ARSG: variants seen among roughly 807,000 people sequenced by gnomAD.
The protein encoded by ARSG is arylsulfatase G.
Under a neutral mutation model 50.5 loss-of-function variants are expected in ARSG, and 37 were observed. The observed-to-expected ratio is 0.73, with a 90% CI of 0.56 to 0.96. The LOEUF (loss-of-function observed/expected upper bound fraction) is 0.96, where lower values mean the gene tolerates loss of function less well. Among genes scored for constraint, ARSG ranks in the 50% least tolerant of loss-of-function variants. The pLI is 0.00. For missense variants in ARSG, 629 were observed against 675.3 expected, an observed-to-expected ratio of 0.93 and a Z score of 0.76; for synonymous variants, 225 against 254.6, an observed-to-expected ratio of 0.88 and a Z score of 1.11.
At chr17:68,448,651 C>T in the ARSG span, among the ~76,000 whole-genome samples, 3 of 152,172 alleles carry the variant, frequency 2.0e-5, no homozygotes, top group Non-Finnish European at 4.4e-5. Flanking sequence ...ATACAATAGA[C>T]GCTATTTGAG....
At chr17:68,335,757 G>A (rs1317162202) in intron 2 of ARSG, among the ~76,000 whole-genome samples, 1 of 152,192 alleles carries the variant, frequency 6.6e-6, no homozygotes, top group Non-Finnish European at 1.5e-5. Flanking sequence ...AGGTAGGATA[G>A]TGGGGAGAGA....
intron 6 of ARSG, 106 bp from the exon 7 acceptor site, chr17:68,368,442 C>T: frequency 2.0e-6 from 2 of 1,014,916 alleles, no homozygotes; most frequent in Admixed American, 2.1e-5. Context: ...GCCCGTGGGG[C>T]AGAAGGAGCT....
At chr17:68,302,356 A>G (rs1161196090) in intron 1 of ARSG, among the ~76,000 whole-genome samples, 1 of 152,086 alleles carries the variant, frequency 6.6e-6, no homozygotes, top group Non-Finnish European at 1.5e-5. Context: ...TGGAAAACCA[A>G]CAGAACCCTC....
chr17:68,313,699 A>ATTT (rs1555767540), intron 2 of ARSG, among the ~76,000 whole-genome samples: 1 of 21,500 alleles, frequency 4.7e-5, no homozygotes. Context: ...TTTTTTTTTG[A>ATTT]GACACAGTTT....
chr17:68,282,245 G>T (rs1555753025), intron 1 of ARSG, among the ~76,000 whole-genome samples: 1 of 151,642 alleles, frequency 6.6e-6, no homozygotes, highest in Non-Finnish European at 1.5e-5. Flanking sequence ...GCAAACTATC[G>T]CAAGGACAAA....
intron 7 of ARSG, among the ~76,000 whole-genome samples, chr17:68,369,291 G>A (rs1383948869): frequency 6.6e-6 from 1 of 152,152 alleles, no homozygotes; most frequent in Admixed American, 6.6e-5. Flanking sequence ...TCTAATAACA[G>A]CACTTTGGGA....
intron 10 of ARSG, among the ~76,000 whole-genome samples, chr17:68,395,730 T>C (rs999691145): frequency 2.9e-4 from 44 of 152,362 alleles, no homozygotes; most frequent in Middle Eastern, 3.4e-3. Context: ...TTTTGTTAGA[T>C]GAGATGACTG....
At position 68,271,344 on chromosome 17, in the gene ARSG, G is replaced by C. The variant is rs112262188; in HGVS notation, c.-552+11918G>C. Reference sequence around the variant, plus strand: ...CTTTCTTTTCGCTTGGCCTGGGGCTGGTCTTCACCAGGACCTGCTGCATGT... The same window carrying C: ...CTTTCTTTTCGCTTGGCCTGGGGCTCGTCTTCACCAGGACCTGCTGCATGT... On this transcript the variant is annotated intron_variant, in intron 1 of 11. Transcript: ENST00000448504. This position sits in a 1 kb window ranked among gnomAD's most constrained non-coding sequence, Gnocchi z 5.3. The C allele has an allele frequency of 1.1e-3, 1,724 of 1,614,250 alleles. 7 individuals are homozygous for C. The highest frequency in any genetic ancestry group is 7.8e-3 in the Middle Eastern group (47 of 6,062).
Position 68,420,224 on chromosome 17 carries a change from G to C in ARSG, c.1339G>C (p.Glu447Gln). ...GGCGTGTGATGGGAGCACGGGGCCT[G>C]AGCTGCAGCATAAGTTTCCTCTGAT... ...ARACDGSTGPELQHKFPLIFN... is the reference protein window; with the variant it reads ...ARACDGSTGPQLQHKFPLIFN... The change falls in exon 12 of 12, where the codon GAG becomes CAG. Residue 447 changes from glutamate to glutamine, a missense_variant. Physicochemically the swap from Glu to Gln is conservative, Grantham distance 29 (BLOSUM62 2). Coordinates refer to ENST00000621439, the MANE Select transcript of ARSG (RefSeq NM_001267727.2). 6.2e-7 allele frequency: 1 copy of C among 1,614,136 alleles called. No individual in the cohort carries two copies. Among genetic ancestry groups the C allele is most frequent in the Non-Finnish European group, 8.5e-7 (1 of 1,180,046 alleles).
chr17:68,378,822 C>A lies in ARSG; in HGVS notation c.983-6242C>A, dbSNP rs1315607365. ...CATTCTGTTGAATTTGGCATCCAGG[C>A]TCCTAGGAGACCTTGGTTGTTTGTA... On this transcript the variant is annotated intron_variant, in intron 8 of 11. Transcript: ENST00000621439. The surrounding 1 kb of genome is among the most constrained non-coding windows in gnomAD (Gnocchi z 4.4). Among the ~76,000 whole-genome samples, 1 of 151,798 alleles carries A rather than the reference C, an allele frequency of 6.6e-6. No homozygotes were observed. Among genetic ancestry groups the A allele is most frequent in the Non-Finnish European group, 1.5e-5 (1 of 67,998 alleles).
At chr17:68,360,744 G>A (rs1465409470) in intron 6 of ARSG, among the ~76,000 whole-genome samples, 4 of 152,186 alleles carry the variant, frequency 2.6e-5, no homozygotes, top group Admixed American at 1.3e-4. Flanking sequence ...GCACCTACGC[G>A]GGCAATACAG....
intron 6 of ARSG, chr17:68,359,763 C>G (rs1262720387): frequency 6.6e-6 from 1 of 152,186 alleles, no homozygotes; most frequent in Non-Finnish European, 1.5e-5. Flanking sequence ...GGTAATAAAA[C>G]CTATTTAAGG....
downstream of ARSG, among the ~76,000 whole-genome samples, chr17:68,424,157 A>C (rs1056379879): frequency 4.6e-5 from 7 of 152,248 alleles, no homozygotes; most frequent in African/African-American, 1.7e-4. Context: ...CAGCATGCCA[A>C]CAGAGGTTTT....
chr17:68,386,419 T>A (rs2080725755), intron 9 of ARSG, among the ~76,000 whole-genome samples: 1 of 151,860 alleles, frequency 6.6e-6, no homozygotes, highest in Admixed American at 6.6e-5. Flanking sequence ...CTTCCCTAGA[T>A]CCAATGGGGA....
At chr17:68,276,720 C>T (rs1408417750) in intron 1 of ARSG, among the ~76,000 whole-genome samples, 1 of 152,202 alleles carries the variant, frequency 6.6e-6, no homozygotes, top group Non-Finnish European at 1.5e-5. Flanking sequence ...TCCCAGAGTG[C>T]TGGGATTACA....
intron 7 of ARSG, among the ~76,000 whole-genome samples, 169 bp downstream of exon 7, chr17:68,368,913 A>G (rs960824278): frequency 6.6e-6 from 1 of 152,178 alleles, no homozygotes; most frequent in Non-Finnish European, 1.5e-5. Flanking sequence ...GCACCTGTCC[A>G]TTGGGGCCTC....
At chr17:68,328,611 G>T (rs903609955) in intron 2 of ARSG, among the ~76,000 whole-genome samples, 3 of 152,216 alleles carry the variant, frequency 2.0e-5, no homozygotes, top group Non-Finnish European at 2.9e-5. Context: ...TAGCTCCCCA[G>T]CTAGCTCTGT....
intron 8 of ARSG, among the ~76,000 whole-genome samples, chr17:68,372,071 T>G (rs192805318): frequency 7.9e-5 from 12 of 152,254 alleles, no homozygotes; most frequent in Admixed American, 5.2e-4. Flanking sequence ...AAATTAAATG[T>G]TTAGGAGGTA....
chr17:68,298,099 T>C (rs2076274751), intron 1 of ARSG, among the ~76,000 whole-genome samples: 1 of 152,016 alleles, frequency 6.6e-6, no homozygotes, highest in African/African-American at 2.4e-5. Flanking sequence ...AAATCACTGC[T>C]GAATCCCGGA....
Sources: gnomAD v4.1 joint callset for allele counts (sites outside exome capture counted in the v4.1 genomes callset) on GRCh38, gnomAD v4.1.1 for gene constraint, Gnocchi (gnomAD v3.1) non-coding constraint, MANE v1.5 for transcripts, NCBI Gene and HGNC (gene_info 2026-07-23, HGNC 2026-07-21) for gene names.